Variants in TENM3 observed in about 807,000 individuals in gnomAD.
TENM3 encodes teneurin transmembrane protein 3.
TENM3 carries 63 observed loss-of-function variants against 255.1 expected under a neutral mutation model. The observed-to-expected ratio is 0.25, with a 90% CI of 0.20 to 0.30. TENM3 has a LOEUF of 0.30. TENM3 is among the 10% of genes least tolerant of loss of function. TENM3 has a pLI of 1.00. For synonymous variants in TENM3, 1,306 were observed against 1,322.3 expected (o/e 0.99, Z 0.27); for missense variants, 2,929 against 3,461.1 (o/e 0.85, Z 3.86).
At chr4:182,105,753 T>G in the TENM3 span, among the ~76,000 whole-genome samples, 1 of 152,178 alleles carries the variant, frequency 6.6e-6, no homozygotes, top group Non-Finnish European at 1.5e-5. Context: ...TGTAGCGGAT[T>G]GATTGATTGT....
the TENM3 span, among the ~76,000 whole-genome samples, chr4:181,946,423 G>A: frequency 3.9e-5 from 6 of 152,142 alleles, no homozygotes; most frequent in Admixed American, 2.6e-4. Context: ...CTTTCAAGAC[G>A]TGGCTCTAAG....
intron 3 of TENM3, among the ~76,000 whole-genome samples, chr4:182,521,196 C>T (rs1461977769): frequency 6.6e-6 from 1 of 152,160 alleles, no homozygotes; most frequent in Non-Finnish European, 1.5e-5. Flanking sequence ...TAGAATGTTT[C>T]ACATATTTCA....
intron 2 of TENM3, among the ~76,000 whole-genome samples, chr4:182,335,411 C>T (rs1440469831): frequency 1.5e-5 from 2 of 131,386 alleles, no homozygotes; most frequent in African/African-American, 2.8e-5. Flanking sequence ...AGGAGAATGG[C>T]GTGAACCCGG....
At position 182,678,562 on chromosome 4, in the gene TENM3, C is replaced by T. The variant is rs147848655; in HGVS notation, c.1327-1104C>T. On this transcript the variant is annotated intron_variant, in intron 7 of 27. Coordinates refer to ENST00000511685, the MANE Select transcript of TENM3 (RefSeq NM_001080477.4). ...TGGAGTAGGGTGGGAGGAATGACCCCACTTGGAGCAAAGTGCTCTTGAGTT... is the reference window on the plus strand; with the variant it reads ...TGGAGTAGGGTGGGAGGAATGACCCTACTTGGAGCAAAGTGCTCTTGAGTT... Among the ~76,000 whole-genome samples the T allele has an allele frequency of 5.3e-5, 8 of 152,330 alleles. No individual in the cohort carries two copies. The East Asian group carries it at 1.5e-3, about 29-fold the overall frequency.
At chr4:182,672,973 T>C in intron 6 of TENM3, 32 bp from the exon 7 acceptor site, 1 of 1,409,544 alleles carries the variant, frequency 7.1e-7, no homozygotes. Flanking sequence ...TAAAAAAAAT[T>C]TGTTCTTCAT....
chr4:181,761,428 A>G, the TENM3 span, among the ~76,000 whole-genome samples: 2 of 152,102 alleles, frequency 1.3e-5, no homozygotes. Flanking sequence ...TTTGCACACC[A>G]CAGTTCACCA....
At chr4:182,229,960 G>A (rs1043163876) in intron 1 of TENM3, among the ~76,000 whole-genome samples, 1 of 152,030 alleles carries the variant, frequency 6.6e-6, no homozygotes, top group Non-Finnish European at 1.5e-5. Context: ...TAAAGTATGT[G>A]TATTCATTGT....
intron 2 of TENM3, 145 bp from the exon 3 acceptor site, chr4:182,346,506 A>T: frequency 2.5e-6 from 2 of 798,684 alleles, no homozygotes; most frequent in African/African-American, 1.7e-5. Flanking sequence ...GTGTGACGCT[A>T]CTGTAAACGC....
chr4:182,695,657 C>T (rs761402139), intron 12 of TENM3, among the ~76,000 whole-genome samples: 5 of 152,190 alleles, frequency 3.3e-5, no homozygotes, highest in Admixed American at 6.5e-5. Context: ...GATGAAGATA[C>T]GACTTTGTCC....
chr4:182,775,940 A>T (rs1398640728), intron 24 of TENM3, among the ~76,000 whole-genome samples: 1 of 151,410 alleles, frequency 6.6e-6, no homozygotes, highest in African/African-American at 2.4e-5. Context: ...AACAAGATAG[A>T]TAGGAGATAT....
At chr4:182,724,621 G>A (rs1339237827) in intron 13 of TENM3, among the ~76,000 whole-genome samples, 5 of 152,178 alleles carry the variant, frequency 3.3e-5, no homozygotes, top group Non-Finnish European at 7.3e-5. Flanking sequence ...CTACATGCCA[G>A]ATGTACATTT....
the TENM3 span, among the ~76,000 whole-genome samples, chr4:181,976,963 T>A: frequency 3.3e-5 from 5 of 152,222 alleles, no homozygotes; most frequent in Non-Finnish European, 5.9e-5. Context: ...ACAGGCCCTG[T>A]GCTATGTGAC....
the TENM3 span, among the ~76,000 whole-genome samples, chr4:181,804,124 AAGGGAGGG>A: frequency 9.6e-5 from 6 of 62,602 alleles, no homozygotes; most frequent in African/African-American, 1.8e-4. Flanking sequence ...GAGGGAGGGA[AAGGGAGGG>A]AGGGAGGGAG....
At chr4:182,558,325 A>C (rs146062443) in intron 3 of TENM3, among the ~76,000 whole-genome samples, 78 of 152,306 alleles carry the variant, frequency 5.1e-4, no homozygotes, top group African/African-American at 1.7e-3. Flanking sequence ...GATGAGATGC[A>C]CAACATGGGG....
At chr4:181,660,996 A>ATAC in the TENM3 span, among the ~76,000 whole-genome samples, 2 of 152,306 alleles carry the variant, frequency 1.3e-5, no homozygotes, top group South Asian at 4.1e-4. Flanking sequence ...AGCACCGCAG[A>ATAC]TATGTAGTTC....
intron 1 of TENM3, among the ~76,000 whole-genome samples, chr4:182,269,396 T>G (rs757905977): frequency 6.6e-6 from 1 of 152,064 alleles, no homozygotes; most frequent in Non-Finnish European, 1.5e-5. Context: ...GATGTGAGAG[T>G]ACTGGACAGT....
the TENM3 span, among the ~76,000 whole-genome samples, chr4:181,631,555 G>A: frequency 6.6e-6 from 1 of 152,096 alleles, no homozygotes; most frequent in Admixed American, 6.6e-5. Flanking sequence ...CTCCCAAAGT[G>A]CTCAGATTAC....
At chr4:182,642,695 G>A (rs969311180) in intron 5 of TENM3, among the ~76,000 whole-genome samples, 1 of 152,092 alleles carries the variant, frequency 6.6e-6, no homozygotes, top group Non-Finnish European at 1.5e-5. Flanking sequence ...CGTTCATAAA[G>A]CCTATACTTT....
At chr4:182,236,232 T>C (rs1345674805) in intron 1 of TENM3, among the ~76,000 whole-genome samples, 1 of 152,258 alleles carries the variant, frequency 6.6e-6, no homozygotes, top group Non-Finnish European at 1.5e-5. Context: ...ATCCTGAGCT[T>C]TGTGCTTTAC....
Sources: allele counts gnomAD v4.1 joint callset (sites outside exome capture counted in the v4.1 genomes callset), GRCh38; gene constraint gnomAD v4.1.1; transcripts MANE v1.5; gene names NCBI Gene and HGNC (gene_info 2026-07-23, HGNC 2026-07-21).